The following TMEM94 variants were observed in gnomAD, a reference collection of about 807,000 sequenced individuals.
TMEM94 encodes the protein transmembrane protein 94, also known as ER Mg2+ ATPase.
A neutral mutation model predicts 158.6 loss-of-function variants in TMEM94; 81 were observed. The observed-to-expected ratio is 0.51, with a 90% CI of 0.43 to 0.61. The LOEUF is 0.61. Ranked by LOEUF, TMEM94 falls within the 20% of genes least tolerant of loss-of-function variation. The pLI, the probability that TMEM94 is intolerant of heterozygous loss-of-function variation, is 0.00. For synonymous variants in TMEM94, 751 were observed against 730.7 expected, an observed-to-expected ratio of 1.03 and a Z score of -0.45; for missense variants, 1,435 against 1,762.0, an observed-to-expected ratio of 0.81 and a Z score of 3.32.
Position 75,495,127 on chromosome 17 carries a change from C to T in TMEM94, c.2728+93C>T. On this transcript the variant is annotated intron_variant, in intron 20 of 31. Transcript: ENST00000314256. This position sits in a 1 kb window ranked among gnomAD's most constrained non-coding sequence, Gnocchi z 5.6. ...CAGGAAGAGCCTCCGGAGAGCCCTC[C>T]AGTTAAGTACATTCCCTTGGGAAAT... 2 of 1,515,410 alleles carry T rather than the reference C, an allele frequency of 1.3e-6. No individual in the cohort carries two copies. Among genetic ancestry groups the T allele is most frequent in the Non-Finnish European group, 1.8e-6 (2 of 1,117,524 alleles). 93.9% of individuals were successfully genotyped at this position (1,515,410 alleles called of 1,614,324 possible).
chr17:75,481,606 C>G (rs2051166923), intron 2 of TMEM94, among the ~76,000 whole-genome samples: 1 of 152,196 alleles, frequency 6.6e-6, no homozygotes, highest in Admixed American at 6.5e-5. Context: ...TGGAGACAGG[C>G]AGGAAGGAGT....
At position 75,499,702 on chromosome 17, in the gene TMEM94, C is replaced by T. The variant is rs904453518; in HGVS notation, c.*368C>T. 11 of 222,924 alleles carry T rather than the reference C, an allele frequency of 4.9e-5. No individual in the cohort carries two copies. The highest frequency in any genetic ancestry group is 2.3e-4 in the African/African-American group (10 of 43,898). 13.8% of individuals were successfully genotyped at this position (222,924 alleles called of 1,614,324 possible). On this transcript the variant is annotated 3_prime_UTR_variant, in exon 32 of 32. Coordinates refer to ENST00000314256, the MANE Select transcript of TMEM94 (RefSeq NM_014738.6). Reference sequence around the variant, plus strand: ...CCCCCAGTGCCTCTGCTCGTGGGTCCCTGGACACGGCCTTGAAGCCAACCT... The same window carrying T: ...CCCCCAGTGCCTCTGCTCGTGGGTCTCTGGACACGGCCTTGAAGCCAACCT...
intron 4 of TMEM94, 81 bp downstream of exon 4, chr17:75,486,079 T>C: frequency 2.7e-6 from 4 of 1,491,082 alleles, no homozygotes; most frequent in Non-Finnish European, 3.6e-6. Context: ...ACCAGGGCTC[T>C]TGGGGGCTGT....
chr17:75,486,357 G>A lies in TMEM94; in HGVS notation c.340G>A (p.Gly114Arg), dbSNP rs140604871. ...LLLLLNLVLI[G>R]RQDRLKRREV... ...ACTGCTTCTCAACCTTGTGCTCATC[G>A]GGCGGCAAGACCGGCTGAAGCGTCG... is the stretch of plus-strand genomic sequence containing the variant. Residue 114 changes from glycine (G) to arginine (R), a missense_variant, in exon 5 of 32, where the codon GGG (glycine) becomes AGG (arginine). By Grantham distance (125) the Gly-to-Arg change is moderately radical. This residue lies in a region of TMEM94 where 1,051 missense variants were observed against 1,254.4 expected (regional missense o/e 0.84). Coordinates refer to ENST00000314256, the MANE Select transcript of TMEM94 (RefSeq NM_014738.6). 9.3e-6 allele frequency: 15 copies of A among 1,614,074 alleles called. No individual in the cohort carries two copies. Among genetic ancestry groups the A allele is most frequent in the Middle Eastern group, 1.6e-4 (1 of 6,084 alleles).
At position 75,492,160 on chromosome 17, in the gene TMEM94, G is replaced by A; in HGVS notation, c.1596+260G>A. 9.9e-7 allele frequency: 1 copy of A among 1,010,410 alleles called. No individual in the cohort carries two copies. Among genetic ancestry groups the A allele is most frequent in the African/African-American group, 1.6e-5 (1 of 61,502 alleles). 62.6% of individuals were successfully genotyped at this position (1,010,410 alleles called of 1,614,324 possible). On this transcript the variant is annotated intron_variant, in intron 14 of 31. Coordinates refer to ENST00000314256, the MANE Select transcript of TMEM94 (RefSeq NM_014738.6). The surrounding 1 kb of genome is among the most constrained non-coding windows in gnomAD (Gnocchi z 4.4). ...ACCTTCCAAATATACACAGCCCGGAGCTCCCTCTTAGAGATGTTCCCTGGC... is the reference window on the plus strand; with the variant it reads ...ACCTTCCAAATATACACAGCCCGGAACTCCCTCTTAGAGATGTTCCCTGGC...
At position 75,495,366 on chromosome 17, in the gene TMEM94, C is replaced by T. The variant is rs140960407; in HGVS notation, c.2811C>T (p.Ser937=). The change falls in exon 21 of 32, where the codon AGC becomes AGT. Residue 937 remains serine (S), a synonymous_variant. Coordinates refer to ENST00000314256, the MANE Select transcript of TMEM94 (RefSeq NM_014738.6). The surrounding 1 kb of genome is among the most constrained non-coding windows in gnomAD (Gnocchi z 5.6). ...SDLISFQPTD[S]DIPSFLEDSN... ...TCATCAGCTTCCAGCCTACGGACAG[C>T]GACATCCCCAGCTTCCTGGAGGACT... The T allele has an allele frequency of 2.9e-5, 46 of 1,613,728 alleles. No individual in the cohort carries two copies. In the African/African-American group the frequency reaches 4.4e-4, roughly 15 times the overall value.
At position 75,498,818 on chromosome 17, in the gene TMEM94, T is replaced by C; in HGVS notation, c.3828-94T>C. On this transcript the variant is annotated intron_variant, in intron 30 of 31. Coordinates refer to ENST00000314256, the MANE Select transcript of TMEM94 (RefSeq NM_014738.6). The surrounding 1 kb of genome is among the most constrained non-coding windows in gnomAD (Gnocchi z 6.7). Reference sequence around the variant, plus strand: ...GAGGGCGGGACCGGGGCCAGTGGTTTAACTGTACCCTGCCTGAGCTAACTG... The same window carrying C: ...GAGGGCGGGACCGGGGCCAGTGGTTCAACTGTACCCTGCCTGAGCTAACTG... 6.6e-7 allele frequency: 1 copy of C among 1,523,260 alleles called. No homozygotes were observed. The highest frequency in any genetic ancestry group is 8.8e-7 in the Non-Finnish European group (1 of 1,134,020). The allele number at this position is 1,523,260 out of a possible 1,614,324, so 94.4% of individuals were successfully genotyped here. A position where few individuals can be genotyped will look rare whatever the true frequency, so the allele number is the denominator to read the frequency against.
Position 75,489,260 on chromosome 17 carries a change from C to G in TMEM94, c.765-6C>G. 1 of 1,613,732 alleles carries G rather than the reference C, an allele frequency of 6.2e-7. No individual in the cohort carries two copies. The highest frequency in any genetic ancestry group is 8.5e-7 in the Non-Finnish European group (1 of 1,179,592). On this transcript the variant is annotated splice_region_variant and splice_polypyrimidine_tract_variant and intron_variant, in intron 7 of 31. Coordinates refer to ENST00000314256, the MANE Select transcript of TMEM94 (RefSeq NM_014738.6). The surrounding 1 kb of genome is among the most constrained non-coding windows in gnomAD (Gnocchi z 5.0). The stretch of plus-strand genomic sequence containing the variant: ...AAGTGAGACTGACAGTCACTTCTTT[C>G]TGCAGATGGTGCCTGGACATGGCCC...
At chr17:75,496,113 C>A in intron 23 of TMEM94, 39 bp downstream of exon 23, 1 of 1,551,444 alleles carries the variant, frequency 6.4e-7, no homozygotes, top group Non-Finnish European at 8.8e-7. Flanking sequence ...CCAGCCTCTA[C>A]CTCCCAGACC....
chr17:75,465,172 CGTT>C (rs2050259066), intron 1 of TMEM94, among the ~76,000 whole-genome samples: 1 of 151,912 alleles, frequency 6.6e-6, no homozygotes. Flanking sequence ...ATTGGTCTCT[CGTT>C]GTGGTTTTAA....
chr17:75,489,710 G>C lies in TMEM94; in HGVS notation c.954+48G>C. 6.7e-7 allele frequency: 1 copy of C among 1,502,906 alleles called. No homozygotes were observed. The allele number at this position is 1,502,906 out of a possible 1,614,324, so 93.1% of individuals were successfully genotyped here. A position where few individuals can be genotyped will look rare whatever the true frequency, so the allele number is the denominator to read the frequency against. ...TGTCATGCTTCCCTCCGACCCGCAG[G>C]GCTGGCTCTTCTCCTAGTACCCTGG... On this transcript the variant is annotated intron_variant, in intron 9 of 31. Transcript: ENST00000314256. The surrounding 1 kb of genome is among the most constrained non-coding windows in gnomAD (Gnocchi z 5.0).
intron 18 of TMEM94, 91 bp from the exon 19 acceptor site, chr17:75,494,536 T>G: frequency 7.5e-7 from 1 of 1,336,606 alleles, no homozygotes; most frequent in Non-Finnish European, 1.0e-6. Flanking sequence ...GCCCATATGC[T>G]CATTGATTTG....
Position 75,489,960 on chromosome 17 carries a change from T to C in TMEM94, c.955-274T>C. ...TGGGCGTGGTGGCACGTGCCTGTGG[T>C]CCCAGCCATTCAGGTGGCTGAGGTG... On this transcript the variant is annotated intron_variant, in intron 9 of 31. Coordinates refer to ENST00000314256, the MANE Select transcript of TMEM94 (RefSeq NM_014738.6). The surrounding 1 kb of genome is among the most constrained non-coding windows in gnomAD (Gnocchi z 5.0). The C allele has an allele frequency of 1.8e-6, 1 of 563,244 alleles. No homozygotes were observed. The highest frequency in any genetic ancestry group is 3.2e-6 in the Non-Finnish European group (1 of 315,828). The allele number at this position is 563,244 out of a possible 1,614,324, so 34.9% of individuals were successfully genotyped here. A position where few individuals can be genotyped will look rare whatever the true frequency, so the allele number is the denominator to read the frequency against.
rs1354938030 is a variant in TMEM94, at chr17:75,489,753, C to T, written c.954+91C>T. On this transcript the variant is annotated intron_variant, in intron 9 of 31. Transcript: ENST00000314256. The surrounding 1 kb of genome is among the most constrained non-coding windows in gnomAD (Gnocchi z 5.0). ...TACCCTGGCTGTCCCTCCCTCTCTG[C>T]AGCCCAGAGGTCCCCTCACGCTTCA... 2.7e-6 allele frequency: 3 copies of T among 1,118,390 alleles called. No individual in the cohort carries two copies. Among genetic ancestry groups the T allele is most frequent in the African/African-American group, 3.1e-5 (2 of 65,072 alleles). The allele number at this position is 1,118,390 out of a possible 1,614,324, so 69.3% of individuals were successfully genotyped here.
chr17:75,495,135 T>A lies in TMEM94; in HGVS notation c.2728+101T>A. The A allele has an allele frequency of 6.6e-7, 1 of 1,505,064 alleles. No individual in the cohort carries two copies. Among genetic ancestry groups the A allele is most frequent in the East Asian group, 2.3e-5 (1 of 43,920 alleles). 93.2% of individuals were successfully genotyped at this position (1,505,064 alleles called of 1,614,324 possible). On this transcript the variant is annotated intron_variant, in intron 20 of 31. Transcript: ENST00000314256. The surrounding 1 kb of genome is among the most constrained non-coding windows in gnomAD (Gnocchi z 5.6). ...GCCTCCGGAGAGCCCTCCAGTTAAG[T>A]ACATTCCCTTGGGAAATGGCTCTGA...
chr17:75,476,852 A>C (rs2050717998), intron 2 of TMEM94: 7 of 1,474,092 alleles, frequency 4.7e-6, no homozygotes, highest in Admixed American at 2.1e-5. Context: ...AAGACAATGC[A>C]AAATGGGAGG....
intron 1 of TMEM94, among the ~76,000 whole-genome samples, chr17:75,470,661 C>T (rs1343231582): frequency 7.9e-5 from 12 of 151,332 alleles, no homozygotes; most frequent in African/African-American, 2.2e-4. Context: ...GCCGAGATCG[C>T]GCCACTGCAC....
Position 75,468,702 on chromosome 17 carries a change from G to T in TMEM94, c.-106-3098G>T, listed in dbSNP as rs187385664. Among the ~76,000 whole-genome samples, 457 of 152,362 alleles carry T rather than the reference G, an allele frequency of 3.0e-3. 1 individual carries two copies. The highest frequency in any genetic ancestry group is 5.3e-3 in the Non-Finnish European group (363 of 68,032). ...TTGCTCAGCCTAGGGCACCAGCATG[G>T]GTGCCACCTTGAGAGGAATTGGGCG... On this transcript the variant is annotated intron_variant, in intron 1 of 31. Coordinates refer to ENST00000314256, the MANE Select transcript of TMEM94 (RefSeq NM_014738.6).
intron 2 of TMEM94, among the ~76,000 whole-genome samples, chr17:75,475,953 C>G (rs768442725): frequency 6.6e-6 from 1 of 152,218 alleles, no homozygotes; most frequent in African/African-American, 2.4e-5. Context: ...AGTCACTGCT[C>G]AAATCTTCTC....
Sources: gnomAD v4.1 joint callset for allele counts (sites outside exome capture counted in the v4.1 genomes callset) on GRCh38, gnomAD v4.1.1 for gene constraint, gnomAD v4.1.1 regional missense constraint, Gnocchi (gnomAD v3.1) non-coding constraint, MANE v1.5 for transcripts, NCBI Gene and HGNC (gene_info 2026-07-23, HGNC 2026-07-21) for gene names.